The following LYST variants were observed in gnomAD, a reference collection of about 807,000 sequenced individuals.
The protein encoded by LYST is lysosomal trafficking regulator.
In LYST, 192 loss-of-function variants were observed where a neutral mutation model predicts 413.6. The ratio of observed to expected loss-of-function variants is 0.46; its 90% CI spans 0.41 to 0.52. The LOEUF (loss-of-function observed/expected upper bound fraction) is 0.52, where lower values mean the gene tolerates loss of function less well. LYST is among the 20% of genes least tolerant of loss of function. LYST has a pLI of 0.00. For missense variants in LYST, 3,815 were observed against 4,499.9 expected, an observed-to-expected ratio of 0.85 and a Z score of 4.35; for synonymous variants, 1,525 against 1,567.3, an observed-to-expected ratio of 0.97 and a Z score of 0.64.
chr1:235,680,950 C>T (rs576369931), intron 48 of LYST, among the ~76,000 whole-genome samples: 20 of 152,282 alleles, frequency 1.3e-4, no homozygotes, highest in African/African-American at 4.8e-4. Flanking sequence ...GAGGGCAACC[C>T]ATACATTTAT....
intron 8 of LYST, among the ~76,000 whole-genome samples, chr1:235,801,467 TC>T (rs1672217136): frequency 6.6e-6 from 1 of 151,804 alleles, no homozygotes; most frequent in South Asian, 2.1e-4. Flanking sequence ...CCTACCCAAA[TC>T]TTTGTGAAAA....
Position 235,806,111 on chromosome 1 carries a change from G to A in LYST, c.3025C>T (p.Gln1009Ter). Reference protein sequence around the residue: ...QKLFRSHKEEQGKKEGDTSVN... With the variant: ...QKLFRSHKEE ...CTTGTATCTCCCTCCTTTTTTCCTT[G>A]CTCCTCTTTGTGACTTCTGAACAGT... The change falls in exon 6 of 53, where the codon CAA becomes TAA. Residue 1009 changes from glutamine to a stop codon, truncating the protein, a stop_gained. Coordinates refer to ENST00000389793, the MANE Select transcript of LYST (RefSeq NM_000081.4). LOFTEE classifies it high-confidence loss of function. The A allele has an allele frequency of 6.2e-7, 1 of 1,612,902 alleles. No homozygotes were observed. Among genetic ancestry groups the A allele is most frequent in the Non-Finnish European group, 8.5e-7 (1 of 1,179,620 alleles).
intron 10 of LYST, among the ~76,000 whole-genome samples, chr1:235,796,420 A>G: frequency 6.6e-6 from 1 of 152,254 alleles, no homozygotes; most frequent in East Asian, 1.9e-4. Context: ...TTACTATTCA[A>G]TAATCAAAAC....
intron 38 of LYST, among the ~76,000 whole-genome samples, chr1:235,725,128 T>A (rs1663739040): frequency 6.6e-6 from 1 of 152,052 alleles, no homozygotes; most frequent in African/African-American, 2.4e-5. Flanking sequence ...GACAAACAAA[T>A]GTGCCCATCA....
At chr1:235,717,925 G>A (rs540518334) in intron 40 of LYST, among the ~76,000 whole-genome samples, 4 of 151,174 alleles carry the variant, frequency 2.6e-5, no homozygotes, top group South Asian at 2.1e-4. Context: ...GTGAAGTGGC[G>A]TGATCTCAGC....
At chr1:235,811,420 G>C (rs1247595844) in intron 4 of LYST, among the ~76,000 whole-genome samples, 1 of 152,062 alleles carries the variant, frequency 6.6e-6, no homozygotes, top group Non-Finnish European at 1.5e-5. Context: ...TATGCCAAAT[G>C]TTCTCTAAAA....
rs13374320 is a variant in LYST at position 235,697,407 on chromosome 1, G to A, written c.10375-135C>T. Reference sequence around the variant, plus strand: ...TCTGTAAGGGCAATAATTATTTTACGCATTTTTTTTTACTTCCCCATGCTT... The same window carrying A: ...TCTGTAAGGGCAATAATTATTTTACACATTTTTTTTTACTTCCCCATGCTT... On this transcript the variant is annotated intron_variant, in intron 45 of 52. Transcript: ENST00000389793. 7.7e-3 allele frequency: 5,203 copies of A among 674,366 alleles called. 185 individuals are homozygous for A. The African/African-American group carries it at 0.082, about 11-fold the overall frequency. 41.8% of individuals were successfully genotyped at this position (674,366 alleles called of 1,614,324 possible).
In LYST at chr1:235,664,141, C is replaced by T; in HGVS notation, c.11196-86G>A. The T allele has an allele frequency of 9.2e-7, 1 of 1,091,596 alleles. No individual in the cohort carries two copies. The highest frequency in any genetic ancestry group is 1.4e-6 in the Non-Finnish European group (1 of 709,170). 67.6% of individuals were successfully genotyped at this position (1,091,596 alleles called of 1,614,324 possible). ...CTATATTTGTTTATTTGTTAAAAAT[C>T]ATGTGGAAGGAAATGTAACAAACAA... On this transcript the variant is annotated intron_variant, in intron 51 of 52. Transcript: ENST00000389793. The surrounding 1 kb of genome is among the most constrained non-coding windows in gnomAD (Gnocchi z 4.5).
Position 235,758,993 on chromosome 1 carries a change from T to C in LYST, c.6860A>G (p.Asn2287Ser). 2 of 1,613,974 alleles carry C rather than the reference T, an allele frequency of 1.2e-6. No individual in the cohort carries two copies. Among genetic ancestry groups the C allele is most frequent in the African/African-American group, 1.3e-5 (1 of 75,028 alleles). ...AYSLGYEPNY[N>S]RTASAHSVTE... ...GTACCTGTGAGCACTTGCAGTTCGG[T>C]TGTAATTTGGCTCATAACCAAGAGA... Residue 2287 changes from asparagine to serine, a missense_variant, in exon 23 of 53, where the codon AAC (asparagine) becomes AGC (serine). Asn to Ser is a conservative substitution (Grantham distance 46, BLOSUM62 1). Coordinates refer to ENST00000389793, the MANE Select transcript of LYST (RefSeq NM_000081.4).
chr1:235,813,128 G>A lies in LYST; in HGVS notation c.193-67C>T. On this transcript the variant is annotated intron_variant, in intron 3 of 52. Transcript: ENST00000389793. ...AAGACACATCAGTTCCTAATGTCTT[G>A]TCTTAAACTGAACCAAAAAATCCTT... The A allele has an allele frequency of 3.2e-6, 3 of 929,692 alleles. No individual in the cohort carries two copies. In the South Asian group the frequency reaches 4.2e-5, roughly 13 times the overall value. The allele number at this position is 929,692 out of a possible 1,614,324, so 57.6% of individuals were successfully genotyped here. A position where few individuals can be genotyped will look rare whatever the true frequency, so the allele number is the denominator to read the frequency against.
chr1:235,690,777 G>T (rs894562335), intron 47 of LYST, among the ~76,000 whole-genome samples: 2 of 152,176 alleles, frequency 1.3e-5, no homozygotes, highest in Non-Finnish European at 1.5e-5. Flanking sequence ...TGCAGGTAAT[G>T]GAAATCAGAG....
rs1198953767 is a variant in LYST at position 235,674,056 on chromosome 1, C to T, written c.11038+3035G>A. On this transcript the variant is annotated intron_variant, in intron 50 of 52. Transcript: ENST00000389793. The surrounding 1 kb of genome is among the most constrained non-coding windows in gnomAD (Gnocchi z 4.1). Reference sequence around the variant, plus strand: ...GACCCCACAGCCCGGGGCAATAAGGCATGCCAGTCTCTCGTTACTATTCCC... The same window carrying T: ...GACCCCACAGCCCGGGGCAATAAGGTATGCCAGTCTCTCGTTACTATTCCC... 6.6e-6 allele frequency among the ~76,000 whole-genome samples: 1 copy of T among 152,162 alleles called. No homozygotes were observed. The highest frequency in any genetic ancestry group is 1.5e-5 in the Non-Finnish European group (1 of 68,034).
At chr1:235,747,136 A>T in intron 28 of LYST, 1 of 354,512 alleles carries the variant, frequency 2.8e-6, no homozygotes, top group South Asian at 2.1e-5. Context: ...CAGACTGAAC[A>T]GAGAGGAGTG....
intron 43 of LYST, among the ~76,000 whole-genome samples, chr1:235,710,322 T>C (rs1234639607): frequency 6.6e-6 from 1 of 152,114 alleles, no homozygotes; most frequent in Non-Finnish European, 1.5e-5. Flanking sequence ...ATGGTTGATT[T>C]AGGATGGACT....
chr1:235,810,442 C>T lies in LYST; in HGVS notation c.376G>A (p.Gly126Arg), dbSNP rs1208650740. The T allele has an allele frequency of 6.2e-7, 1 of 1,610,130 alleles. No individual in the cohort carries two copies. Residue 126 changes from glycine to arginine, a missense_variant, in exon 5 of 53, where the codon GGA (glycine) becomes AGA (arginine). Transcript: ENST00000389793. ...RSTQEKLHLE[G>R]SALSSQVSAK... Reference sequence around the variant, plus strand: ...GAAACCTGACTAGACAGGGCACTTCCTTCTAAATGTAATTTTTCCTGAGTG... The same window carrying T: ...GAAACCTGACTAGACAGGGCACTTCTTTCTAAATGTAATTTTTCCTGAGTG...
At chr1:235,734,070 T>C (rs1223343590) in intron 32 of LYST, among the ~76,000 whole-genome samples, 164 bp from the exon 33 acceptor site, 1 of 152,162 alleles carries the variant, frequency 6.6e-6, no homozygotes, top group Non-Finnish European at 1.5e-5. Flanking sequence ...AACAATGTTA[T>C]AATGTTATAA....
Position 235,809,151 on chromosome 1 carries a change from T to C in LYST, c.1667A>G (p.Gln556Arg). ...RCCCIAVCAH[Q>R]CLRLLQQASL... ...AGCCTGCTGTAGTAAGCGCAAGCAC[T>C]GATGGGCACACACTGCAATGCAACA... The change falls in exon 5 of 53, where the codon CAG (glutamine) becomes CGG (arginine). Residue 556 changes from glutamine (Q) to arginine (R), a missense_variant. This residue lies in a region of LYST where 1,648 missense variants were observed against 1,810.3 expected (regional missense o/e 0.91). Transcript: ENST00000389793. The surrounding 1 kb of genome is among the most constrained non-coding windows in gnomAD (Gnocchi z 4.0). 2 of 1,614,074 alleles carry C rather than the reference T, an allele frequency of 1.2e-6. No individual in the cohort carries two copies. Among genetic ancestry groups the C allele is most frequent in the Non-Finnish European group, 1.7e-6 (2 of 1,179,956 alleles).
intron 16 of LYST, among the ~76,000 whole-genome samples, chr1:235,780,617 T>C (rs1327490345): frequency 6.6e-6 from 1 of 151,862 alleles, no homozygotes; most frequent in Non-Finnish European, 1.5e-5. Flanking sequence ...TAAAATAAAC[T>C]AAACTGATAA....
At chr1:235,762,904 A>G in intron 21 of LYST, 53 bp from the exon 22 acceptor site, 1 of 1,344,778 alleles carries the variant, frequency 7.4e-7, no homozygotes, top group East Asian at 2.3e-5. Context: ...GGATAAAACG[A>G]AAATATAACT....
Sources: allele counts gnomAD v4.1 joint callset (sites outside exome capture counted in the v4.1 genomes callset), GRCh38; gene constraint gnomAD v4.1.1; regional missense constraint gnomAD v4.1.1; non-coding constraint Gnocchi (gnomAD v3.1); transcripts MANE v1.5; gene names NCBI Gene and HGNC (gene_info 2026-07-23, HGNC 2026-07-21).